LRRC31: variants seen among roughly 807,000 people sequenced by gnomAD.
LRRC31 encodes leucine-rich repeat-containing protein 31.
In LRRC31, 35 loss-of-function variants were observed where a neutral mutation model predicts 46.7. That is an observed-to-expected ratio of 0.75 (90% CI 0.57 to 0.99). LRRC31 has a LOEUF of 0.99. Ranked by LOEUF, LRRC31 falls within the 50% of genes least tolerant of loss-of-function variation. LRRC31 has a pLI of 0.00. For missense variants in LRRC31, 613 were observed against 626.1 expected (o/e 0.98, Z 0.22); for synonymous variants, 236 against 235.1 (o/e 1.00, Z -0.03).
chr3:169,839,987 G>A lies in LRRC31; in HGVS notation c.1654C>T (p.Gln552Ter). 1 of 1,608,396 alleles carries A rather than the reference G, an allele frequency of 6.2e-7. No individual in the cohort carries two copies. The highest frequency in any genetic ancestry group is 8.5e-7 in the Non-Finnish European group (1 of 1,176,992). Residue 552 changes from glutamine (Q) to a stop codon, truncating the protein, a stop_gained, in exon 9 of 9, where the codon CAG (glutamine) becomes TAG (stop). Coordinates refer to ENST00000316428, the MANE Select transcript of LRRC31 (RefSeq NM_024727.4). LOFTEE classifies it high-confidence loss of function. Reference sequence around the variant, plus strand: ...GTAGGACATGGGAAATCAGTTTACTGAAACCCACCATGGTCAAAGTGAATG... The same window carrying A: ...GTAGGACATGGGAAATCAGTTTACTAAAACCCACCATGGTCAAAGTGAATG... ...RSIHFDHGGF[Q>*]
intron 5 of LRRC31, 28 bp from the exon 6 acceptor site, chr3:169,855,008 G>C: frequency 3.8e-6 from 6 of 1,593,112 alleles, no homozygotes; most frequent in Non-Finnish European, 5.1e-6. Flanking sequence ...ATCCCATTCT[G>C]GTAGCTGGAC....
chr3:169,860,840 A>G lies in LRRC31; in HGVS notation c.320-112T>C, dbSNP rs1781131202. On this transcript the variant is annotated intron_variant, in intron 2 of 8. Transcript: ENST00000316428. ...ATAGTTTTACACTGTAAGAGAATAG[A>G]CAGTGGTAGGCACGCTGACTTTGGG... 7.2e-6 allele frequency: 8 copies of G among 1,115,064 alleles called. No homozygotes were observed. In the East Asian group the frequency reaches 1.5e-4, roughly 21 times the overall value. 69.1% of individuals were successfully genotyped at this position (1,115,064 alleles called of 1,614,324 possible). A position where few individuals can be genotyped will look rare whatever the true frequency, so the allele number is the denominator to read the frequency against.
chr3:169,860,516 CG>C (rs779436897), intron 3 of LRRC31, 44 bp downstream of exon 3: 2 of 1,604,302 alleles, frequency 1.2e-6, no homozygotes, highest in South Asian at 2.2e-5. Flanking sequence ...CTGTGAGCCA[CG>C]GCGCCCGGCC....
chr3:169,859,747 T>C (rs1199396600), intron 3 of LRRC31, among the ~76,000 whole-genome samples: 1 of 152,202 alleles, frequency 6.6e-6, no homozygotes, highest in African/African-American at 2.4e-5. Flanking sequence ...GAAGTATTCT[T>C]TTGGAATTGT....
At chr3:169,848,651 G>A (rs2108205266) in intron 7 of LRRC31, among the ~76,000 whole-genome samples, 1 of 152,284 alleles carries the variant, frequency 6.6e-6, no homozygotes, top group Admixed American at 6.5e-5. Context: ...TAGAGACGCT[G>A]TTTCACCATG....
At chr3:169,842,364 T>C (rs1284158342) in intron 8 of LRRC31, among the ~76,000 whole-genome samples, 2 of 152,226 alleles carry the variant, frequency 1.3e-5, no homozygotes, top group East Asian at 3.8e-4. Context: ...TTGTTTTTGT[T>C]TTTTTGAGAT....
At chr3:169,848,001 C>G in intron 8 of LRRC31, 119 bp downstream of exon 8, 1 of 910,818 alleles carries the variant, frequency 1.1e-6, no homozygotes, top group Non-Finnish European at 1.6e-6. Flanking sequence ...AGAAGGGAAT[C>G]TGCACAGAGG....
In LRRC31 at chr3:169,856,883, A is replaced by G; in HGVS notation, c.488-11T>C. 1 of 1,594,002 alleles carries G rather than the reference A, an allele frequency of 6.3e-7. No homozygotes were observed. ...TCTCAAATGCTTCTCCTGTTAACAA[A>G]TGGCCCGAAAATTCTGTTGGTCACT... On this transcript the variant is annotated splice_polypyrimidine_tract_variant and intron_variant, in intron 3 of 8. Coordinates refer to ENST00000316428, the MANE Select transcript of LRRC31 (RefSeq NM_024727.4).
chr3:169,864,216 G>A (rs1297461354), intron 1 of LRRC31, among the ~76,000 whole-genome samples: 1 of 152,114 alleles, frequency 6.6e-6, no homozygotes, highest in African/African-American at 2.4e-5. Context: ...TGGAAAGAGT[G>A]GTTTCCACTT....
At position 169,840,077 on chromosome 3, in the gene LRRC31, T is replaced by G. The variant is rs758940078; in HGVS notation, c.1564A>C (p.Arg522=). ...LPQITEIGMK[R]WILPASQEEE... ...TCCTGTGAAGCTGGGAGAATCCATC[T>G]TTTCATTCCTATCTCAGTGATCTGA... The change falls in exon 9 of 9, where the codon AGA becomes CGA. Residue 522 remains arginine, a synonymous_variant. Transcript: ENST00000316428. 3 of 1,614,140 alleles carry G rather than the reference T, an allele frequency of 1.9e-6. No homozygotes were observed. Among genetic ancestry groups the G allele is most frequent in the South Asian group, 2.2e-5 (2 of 91,074 alleles).
At chr3:169,860,464 G>T in intron 3 of LRRC31, 97 bp downstream of exon 3, 1 of 1,263,900 alleles carries the variant, frequency 7.9e-7, no homozygotes, top group Non-Finnish European at 1.2e-6. Context: ...CTGAGCTCAG[G>T]CAATCCGCCA....
chr3:169,856,724 T>C lies in LRRC31; in HGVS notation c.636A>G (p.Ser212=). ...ACTTACCCAGAAATGTCCCATCTTC[T>C]GACGTGAGGGAGCAATCCACAAGCT... ...MIELVDCSLT[S]EDGTFLGQLL... is the part of the protein sequence containing the mutation. Residue 212 remains serine, a synonymous_variant, in exon 4 of 9, where the codon TCA becomes TCG. Transcript: ENST00000316428. 1 of 1,588,782 alleles carries C rather than the reference T, an allele frequency of 6.3e-7. No individual in the cohort carries two copies. Among genetic ancestry groups the C allele is most frequent in the South Asian group, 1.2e-5 (1 of 86,762 alleles).
At chr3:169,863,191 G>A (rs945836498) in intron 1 of LRRC31, among the ~76,000 whole-genome samples, 2 of 152,132 alleles carry the variant, frequency 1.3e-5, no homozygotes, top group African/African-American at 4.8e-5. Flanking sequence ...CCAGGTGCCA[G>A]CATTTAAGAC....
intron 8 of LRRC31, among the ~76,000 whole-genome samples, chr3:169,841,750 T>C (rs189133465): frequency 4.6e-5 from 7 of 152,256 alleles, no homozygotes; most frequent in African/African-American, 1.4e-4. Context: ...TTTTGTTTTT[T>C]AAAAACACAT....
At chr3:169,866,695 C>T (rs530370622) in intron 1 of LRRC31, among the ~76,000 whole-genome samples, 1 of 152,252 alleles carries the variant, frequency 6.6e-6, no homozygotes, top group African/African-American at 2.4e-5. Flanking sequence ...GGCTCCTGGC[C>T]AGGCCTGTAA....
chr3:169,864,001 A>AGTGTGTGTGTGTGTGTGTGTGT (rs35795931), intron 1 of LRRC31, among the ~76,000 whole-genome samples: 27 of 148,720 alleles, frequency 1.8e-4, no homozygotes, highest in African/African-American at 6.4e-4. Flanking sequence ...TCCAAAGCCT[A>AGTGTGTGTGTGTGTGTGTGTGT]GTGTGTGTGT....
rs1781166666 is a variant in LRRC31 at position 169,861,714 on chromosome 3, TC to T, written c.274del (p.Asp92IlefsTer2). 5 of 1,614,148 alleles carry T rather than the reference TC, an allele frequency of 3.1e-6. No homozygotes were observed. In the East Asian group the frequency reaches 1.1e-4, roughly 36 times the overall value. ...TGTTGTTAATCCACAGTTATTCAAA[TC>T]TAGACACTTGTTGACAGCCTTTTTG... ...LGKKAVNKCL[D>X]LNNCGLTTAD... is the part of the protein sequence containing the mutation. On this transcript the variant is annotated frameshift_variant, in exon 2 of 9. Coordinates refer to ENST00000316428, the MANE Select transcript of LRRC31 (RefSeq NM_024727.4). LOFTEE classifies it high-confidence loss of function.
Position 169,861,656 on chromosome 3 carries a change from T to G in LRRC31, c.319+14A>C. ...GCCCTATCTTCCTCTATGCAAAGTC[T>G]GCTGCATACAGACCCATTTCTTTCA... On this transcript the variant is annotated intron_variant, in intron 2 of 8. Coordinates refer to ENST00000316428, the MANE Select transcript of LRRC31 (RefSeq NM_024727.4). The G allele has an allele frequency of 2.5e-6, 4 of 1,612,472 alleles. No individual in the cohort carries two copies. Among genetic ancestry groups the G allele is most frequent in the Non-Finnish European group, 3.4e-6 (4 of 1,179,368 alleles).
At chr3:169,854,056 G>A (rs563916772) in intron 6 of LRRC31, among the ~76,000 whole-genome samples, 2 of 152,358 alleles carry the variant, frequency 1.3e-5, no homozygotes, top group South Asian at 4.1e-4. Context: ...AAGGGCAGTG[G>A]CCAGGGTGGA....
Sources: allele counts gnomAD v4.1 joint callset (sites outside exome capture counted in the v4.1 genomes callset), GRCh38; gene constraint gnomAD v4.1.1; transcripts MANE v1.5; gene names NCBI Gene and HGNC (gene_info 2026-07-23, HGNC 2026-07-21).